The following GNG4 variants were observed in gnomAD, a reference collection of about 807,000 sequenced individuals.
GNG4 encodes the protein guanine nucleotide-binding protein G(I)/G(S)/G(O) subunit gamma-4.
A neutral mutation model predicts 5.8 loss-of-function variants in GNG4; 4 were observed. That is an observed-to-expected ratio of 0.69 (90% CI 0.34 to 1.57). The LOEUF is 1.57. Ranked by LOEUF, GNG4 falls within the 40% of genes most tolerant of loss-of-function variation. GNG4 has a pLI of 0.06. For synonymous variants in GNG4, 29 were observed against 32.9 expected (o/e 0.88, Z 0.41); for missense variants, 96 against 95.1 (o/e 1.01, Z -0.04).
intron 1 of GNG4, among the ~76,000 whole-genome samples, chr1:235,607,287 G>A (rs1688383463): frequency 6.6e-6 from 1 of 151,986 alleles, no homozygotes; most frequent in African/African-American, 2.4e-5. Flanking sequence ...GTACTTTTCA[G>A]ATTTGTGGAG....
intron 3 of GNG4, among the ~76,000 whole-genome samples, chr1:235,557,850 T>A (rs1454049070): frequency 1.3e-5 from 2 of 152,156 alleles, no homozygotes; most frequent in African/African-American, 4.8e-5. Flanking sequence ...GCAGAGTAAC[T>A]TCTTCCCTTA....
Position 235,552,006 on chromosome 1 carries a change from G to T in GNG4, c.*103C>A. The T allele has an allele frequency of 1.1e-6, 1 of 927,666 alleles. No homozygotes were observed. Among genetic ancestry groups the T allele is most frequent in the Non-Finnish European group, 1.7e-6 (1 of 592,730 alleles). 57.5% of individuals were successfully genotyped at this position (927,666 alleles called of 1,614,324 possible). Reference sequence around the variant, plus strand: ...ACAAGCCCCGGCCACTGTTGGCTGGGCAGGGATGGGTGTTGGTCTCACTCC... The same window carrying T: ...ACAAGCCCCGGCCACTGTTGGCTGGTCAGGGATGGGTGTTGGTCTCACTCC... On this transcript the variant is annotated 3_prime_UTR_variant, in exon 4 of 4. Coordinates refer to ENST00000391854, the MANE Select transcript of GNG4 (RefSeq NM_001098722.2).
In GNG4 at chr1:235,599,022, C is replaced by T. The variant is rs1023886053; in HGVS notation, c.-122-3511G>A. ...GATTACAGGCATGAGCCACCACACC[C>T]GGCCTTCCCAGGTGCTTTTAATGTG... On this transcript the variant is annotated intron_variant, in intron 1 of 3. Transcript: ENST00000391854. Among the ~76,000 whole-genome samples the T allele has an allele frequency of 4.6e-5, 7 of 152,122 alleles. No individual in the cohort carries two copies. The East Asian group carries it at 1.2e-3, about 25-fold the overall frequency.
intron 1 of GNG4, among the ~76,000 whole-genome samples, chr1:235,607,510 G>A (rs577239840): frequency 3.9e-5 from 6 of 152,310 alleles, no homozygotes; most frequent in African/African-American, 7.2e-5. Flanking sequence ...CGCCTACAGC[G>A]GAAAGCATGC....
chr1:235,575,317 G>A lies in GNG4; in HGVS notation c.99+8423C>T, dbSNP rs115369384. ...AAACCCATCGTAAGTTGAAAATGTC[G>A]TAAGTTGAACTTTCAATTTATAATA... On this transcript the variant is annotated intron_variant, in intron 3 of 3. Coordinates refer to ENST00000391854, the MANE Select transcript of GNG4 (RefSeq NM_001098722.2). Among the ~76,000 whole-genome samples the A allele has an allele frequency of 7.6e-3, 1,159 of 152,264 alleles. 5 individuals are homozygous for A. Among genetic ancestry groups the A allele is most frequent in the Non-Finnish European group, 9.6e-3 (650 of 68,012 alleles).
Position 235,595,470 on chromosome 1 carries a change from G to T in GNG4, c.-81C>A, listed in dbSNP as rs1009000475. The T allele has an allele frequency of 6.6e-6, 1 of 152,360 alleles. No individual in the cohort carries two copies. The highest frequency in any genetic ancestry group is 2.1e-4 in the South Asian group (1 of 4,826). The allele number at this position is 152,360 out of a possible 1,614,324, so 9.4% of individuals were successfully genotyped here. A position where few individuals can be genotyped will look rare whatever the true frequency, so the allele number is the denominator to read the frequency against. On this transcript the variant is annotated 5_prime_UTR_variant, in exon 2 of 4. Coordinates refer to ENST00000391854, the MANE Select transcript of GNG4 (RefSeq NM_001098722.2). ...CTGGCGGTGGCAGCAGCTGTCAGTC[G>T]TCAGATGAGAGGTGAATTCAGAGCT...
intron 3 of GNG4, among the ~76,000 whole-genome samples, chr1:235,556,813 G>A (rs1265638700): frequency 6.6e-6 from 1 of 151,834 alleles, no homozygotes; most frequent in Non-Finnish European, 1.5e-5. Flanking sequence ...ATCAATGGGA[G>A]GCCTGAGCTT....
intron 1 of GNG4, among the ~76,000 whole-genome samples, chr1:235,635,322 C>T (rs1054762576): frequency 2.0e-5 from 3 of 151,992 alleles, no homozygotes; most frequent in Admixed American, 2.0e-4. Flanking sequence ...CATGGAGAAA[C>T]CCTGTCTCTA....
chr1:235,568,499 TAA>T (rs1379603292), intron 3 of GNG4, among the ~76,000 whole-genome samples: 2 of 152,244 alleles, frequency 1.3e-5, no homozygotes, highest in Non-Finnish European at 2.9e-5. Context: ...TAAAATAAAA[TAA>T]GTTTGCTAAA....
At chr1:235,639,677 T>C (rs1657259232) in intron 1 of GNG4, among the ~76,000 whole-genome samples, 1 of 152,200 alleles carries the variant, frequency 6.6e-6, no homozygotes, top group African/African-American at 2.4e-5. Context: ...AGCTAATTTT[T>C]GTATTTTCAG....
At chr1:235,578,459 G>C (rs917456445) in intron 3 of GNG4, among the ~76,000 whole-genome samples, 3 of 152,174 alleles carry the variant, frequency 2.0e-5, no homozygotes, top group Non-Finnish European at 4.4e-5. Flanking sequence ...GTATGTCAAA[G>C]AAAGATCTGT....
intron 1 of GNG4, among the ~76,000 whole-genome samples, chr1:235,646,246 C>A (rs1657508745): frequency 3.3e-5 from 5 of 152,188 alleles, no homozygotes; most frequent in Non-Finnish European, 5.9e-5. Context: ...ATGTGCAGTG[C>A]CTGAGTGTGG....
chr1:235,601,971 A>G (rs1688266886), intron 1 of GNG4, among the ~76,000 whole-genome samples: 1 of 152,106 alleles, frequency 6.6e-6, no homozygotes, highest in Admixed American at 6.5e-5. Context: ...ACTCAGACCT[A>G]CCAAAATAGA....
chr1:235,599,128 T>C (rs1371102695), intron 1 of GNG4, among the ~76,000 whole-genome samples: 5 of 152,140 alleles, frequency 3.3e-5, no homozygotes, highest in Admixed American at 6.5e-5. Context: ...ATGAAACCCG[T>C]ATCTCAGGCT....
intron 2 of GNG4, among the ~76,000 whole-genome samples, chr1:235,595,030 C>T (rs1417068535): frequency 2.0e-5 from 3 of 152,172 alleles, no homozygotes; most frequent in African/African-American, 7.2e-5. Context: ...TTCATCCTTG[C>T]TGAACAAGGA....
chr1:235,647,592 GT>G (rs1028424189), intron 1 of GNG4, among the ~76,000 whole-genome samples: 1 of 152,170 alleles, frequency 6.6e-6, no homozygotes, highest in African/African-American at 2.4e-5. Context: ...ATTTTACAGT[GT>G]TCCTGCCCTC....
At chr1:235,570,921 T>G (rs377249265) in intron 3 of GNG4, among the ~76,000 whole-genome samples, 2 of 63,934 alleles carry the variant, frequency 3.1e-5, no homozygotes, top group Admixed American at 1.9e-4. Flanking sequence ...TACATATATA[T>G]ATACACACAC....
intron 1 of GNG4, among the ~76,000 whole-genome samples, chr1:235,607,298 G>A (rs888377646): frequency 6.6e-6 from 1 of 151,642 alleles, no homozygotes; most frequent in Non-Finnish European, 1.5e-5. Flanking sequence ...ATTTGTGGAG[G>A]TAAAAGATTA....
At chr1:235,626,029 T>C (rs1295499319) in intron 1 of GNG4, among the ~76,000 whole-genome samples, 1 of 152,354 alleles carries the variant, frequency 6.6e-6, no homozygotes, top group South Asian at 2.1e-4. Flanking sequence ...AAAGTGGCTG[T>C]TGCATTTTGC....
Sources: allele counts gnomAD v4.1 joint callset (sites outside exome capture counted in the v4.1 genomes callset), GRCh38; gene constraint gnomAD v4.1.1; transcripts MANE v1.5; gene names NCBI Gene and HGNC (gene_info 2026-07-23, HGNC 2026-07-21).